The following INSYN1 variants were observed in gnomAD, a reference collection of about 807,000 sequenced individuals.
INSYN1 encodes inhibitory synaptic factor 1.
Under a neutral mutation model 17.1 loss-of-function variants are expected in INSYN1, and 7 were observed. The ratio of observed to expected loss-of-function variants is 0.41; its 90% CI spans 0.23 to 0.77. The LOEUF is 0.77. Ranked by LOEUF, INSYN1 falls within the 30% of genes least tolerant of loss-of-function variation. The probability of loss-of-function intolerance (pLI) is 0.32; values close to 1 mark genes in which losing one functional copy is unlikely to be tolerated. For synonymous variants in INSYN1, 174 were observed against 166.3 expected (o/e 1.05, Z -0.36); for missense variants, 339 against 400.6 (o/e 0.85, Z 1.31).
In INSYN1 at chr15:73,751,354, G is replaced by A. The variant is rs946362404; in HGVS notation, c.-224C>T. On this transcript the variant is annotated 5_prime_UTR_variant, in exon 2 of 3. Coordinates refer to ENST00000569673, the MANE Select transcript of INSYN1 (RefSeq NM_001039614.3). The stretch of plus-strand genomic sequence containing the variant: ...ACCCAGAGGGAGACAGAGTCTAGCA[G>A]AGGGGGTCAAGGTGAGGACACAGGA... 8.8e-6 allele frequency: 5 copies of A among 569,624 alleles called. No individual in the cohort carries two copies. Among genetic ancestry groups the A allele is most frequent in the Non-Finnish European group, 1.6e-5 (5 of 319,012 alleles). 35.3% of individuals were successfully genotyped at this position (569,624 alleles called of 1,614,324 possible). A position where few individuals can be genotyped will look rare whatever the true frequency, so the allele number is the denominator to read the frequency against.
Position 73,740,085 on chromosome 15 carries a change from G to C in INSYN1, c.714C>G (p.Tyr238Ter). ...TGGTCAGTGGAGAGCGCCGTGACTT[G>C]TAGGGGGCTGGGGAGGGCTTGTGGG... is the stretch of plus-strand genomic sequence containing the variant. ...AGPHKPSPAPYKSRRSPLTSR... is the reference protein window; with the variant it reads ...AGPHKPSPAP Residue 238 changes from tyrosine to a stop codon, truncating the protein, a stop_gained, in exon 3 of 3, where the codon TAC becomes TAG. Coordinates refer to ENST00000569673, the MANE Select transcript of INSYN1 (RefSeq NM_001039614.3). LOFTEE classifies it high-confidence loss of function. 1 of 1,613,720 alleles carries C rather than the reference G, an allele frequency of 6.2e-7. No homozygotes were observed. The highest frequency in any genetic ancestry group is 8.5e-7 in the Non-Finnish European group (1 of 1,179,792).
At position 73,746,367 on chromosome 15, in the gene INSYN1, G is replaced by A. The variant is rs183499821; in HGVS notation, c.156+4608C>T. Among the ~76,000 whole-genome samples, 22 of 152,184 alleles carry A rather than the reference G, an allele frequency of 1.4e-4. 2 individuals are homozygous for A. In the East Asian group the frequency reaches 3.1e-3, roughly 21 times the overall value. On this transcript the variant is annotated intron_variant, in intron 2 of 2. Transcript: ENST00000569673. Reference sequence around the variant, plus strand: ...CAAAAATAATAAGAAAAAAATCCACGCAATTCTTGCTGAGCTGCAGGTGAT... The same window carrying A: ...CAAAAATAATAAGAAAAAAATCCACACAATTCTTGCTGAGCTGCAGGTGAT...
In INSYN1 at chr15:73,736,076, C is replaced by T. The variant is rs1362847629; in HGVS notation, c.*3841G>A. The T allele has an allele frequency of 6.6e-6, 1 of 152,392 alleles. No individual in the cohort carries two copies. The highest frequency in any genetic ancestry group is 2.4e-5 in the African/African-American group (1 of 41,432). 9.4% of individuals were successfully genotyped at this position (152,392 alleles called of 1,614,324 possible). ...AAGCAGAGAGATCTGATGGAACATC[C>T]TGGGTAAAGAAACTCAAAAACTGGC... On this transcript the variant is annotated 3_prime_UTR_variant, in exon 3 of 3. Coordinates refer to ENST00000569673, the MANE Select transcript of INSYN1 (RefSeq NM_001039614.3).
chr15:73,744,966 C>T (rs1218059758), intron 2 of INSYN1, among the ~76,000 whole-genome samples: 2 of 144,878 alleles, frequency 1.4e-5, no homozygotes, highest in African/African-American at 4.9e-5. Context: ...TCTGAAGAGA[C>T]CAAGAGGGAG....
chr15:73,746,030 C>T (rs1331758893), intron 2 of INSYN1, among the ~76,000 whole-genome samples: 1 of 149,730 alleles, frequency 6.7e-6, no homozygotes, highest in African/African-American at 2.5e-5. Context: ...ACCCCCGGAC[C>T]CCCCACCACA....
At position 73,739,337 on chromosome 15, in the gene INSYN1, A is replaced by G. The variant is rs1486787528; in HGVS notation, c.*580T>C. On this transcript the variant is annotated 3_prime_UTR_variant, in exon 3 of 3. Transcript: ENST00000569673. ...CATGGGAGCAGCTTGCCATTCCCCT[A>G]TGTCCCAGGCAACCCTAAGATGGAA... 6.6e-6 allele frequency: 1 copy of G among 152,270 alleles called. No homozygotes were observed. Among genetic ancestry groups the G allele is most frequent in the East Asian group, 1.9e-4 (1 of 5,186 alleles). The allele number at this position is 152,270 out of a possible 1,614,324, so 9.4% of individuals were successfully genotyped here.
chr15:73,750,541 G>C (rs569070767), intron 2 of INSYN1, among the ~76,000 whole-genome samples: 2 of 152,332 alleles, frequency 1.3e-5, no homozygotes, highest in Admixed American at 1.3e-4. Context: ...GCCTCAAGCA[G>C]TGGAAACCAC....
Position 73,739,364 on chromosome 15 carries a change from G to C in INSYN1, c.*553C>G, listed in dbSNP as rs1227038247. On this transcript the variant is annotated 3_prime_UTR_variant, in exon 3 of 3. Transcript: ENST00000569673. ...GTCCCAGGCAACCCTAAGATGGAAGGGGGTGAGGCAGGACTGTGTATAGCC... is the reference window on the plus strand; with the variant it reads ...GTCCCAGGCAACCCTAAGATGGAAGCGGGTGAGGCAGGACTGTGTATAGCC... The C allele has an allele frequency of 1.3e-5, 2 of 152,342 alleles. No homozygotes were observed. Among genetic ancestry groups the C allele is most frequent in the Non-Finnish European group, 2.9e-5 (2 of 68,106 alleles). The allele number at this position is 152,342 out of a possible 1,614,324, so 9.4% of individuals were successfully genotyped here. A position where few individuals can be genotyped will look rare whatever the true frequency, so the allele number is the denominator to read the frequency against.
Position 73,751,308 on chromosome 15 carries a change from C to T in INSYN1, c.-178G>A. 1.5e-6 allele frequency: 1 copy of T among 651,350 alleles called. No homozygotes were observed. Among genetic ancestry groups the T allele is most frequent in the Non-Finnish European group, 2.6e-6 (1 of 380,952 alleles). The allele number at this position is 651,350 out of a possible 1,614,324, so 40.3% of individuals were successfully genotyped here. A position where few individuals can be genotyped will look rare whatever the true frequency, so the allele number is the denominator to read the frequency against. On this transcript the variant is annotated 5_prime_UTR_variant, in exon 2 of 3. Transcript: ENST00000569673. ...GCCCCCTGCCACCCAGCCTCCTCTG[C>T]CTCTGGGTGGAGAGTGGGACACCCA...
intron 2 of INSYN1, among the ~76,000 whole-genome samples, chr15:73,746,365 A>G (rs1452392): frequency 0.96 from 145,749 of 152,152 alleles, 69,966 homozygotes; most frequent in East Asian, 1. Flanking sequence ...AAAAAAATCC[A>G]CGCAATTCTT....
chr15:73,738,787 G>C lies in INSYN1; in HGVS notation c.*1130C>G, dbSNP rs1901598071. 6.6e-6 allele frequency: 1 copy of C among 152,218 alleles called. No homozygotes were observed. Among genetic ancestry groups the C allele is most frequent in the Non-Finnish European group, 1.5e-5 (1 of 68,036 alleles). The allele number at this position is 152,218 out of a possible 1,614,324, so 9.4% of individuals were successfully genotyped here. Reference sequence around the variant, plus strand: ...TATTGTGGTGATTAAATGAGATGCTGCTATAAAAAGTATTCGGCATAGAAG... The same window carrying C: ...TATTGTGGTGATTAAATGAGATGCTCCTATAAAAAGTATTCGGCATAGAAG... On this transcript the variant is annotated 3_prime_UTR_variant, in exon 3 of 3. Coordinates refer to ENST00000569673, the MANE Select transcript of INSYN1 (RefSeq NM_001039614.3).
At chr15:73,740,665 G>A (rs576174499) in intron 2 of INSYN1, 23 bp from the exon 3 acceptor site, 2 of 1,581,368 alleles carry the variant, frequency 1.3e-6, no homozygotes, top group South Asian at 2.3e-5. Context: ...GGGGAGAGGA[G>A]ATGAGAGGGG....
intron 2 of INSYN1, among the ~76,000 whole-genome samples, chr15:73,742,697 C>T (rs1362176477): frequency 6.6e-6 from 1 of 152,172 alleles, no homozygotes; most frequent in Non-Finnish European, 1.5e-5. Flanking sequence ...TCTTCTTGTG[C>T]TTCTCCCAGG....
chr15:73,746,818 G>A (rs1292002515), intron 2 of INSYN1, among the ~76,000 whole-genome samples: 4 of 152,164 alleles, frequency 2.6e-5, no homozygotes, highest in African/African-American at 9.7e-5. Context: ...AGGAGGCCAA[G>A]TACCTGCTCA....
Position 73,740,128 on chromosome 15 carries a change from G to T in INSYN1, c.671C>A (p.Thr224Lys). Residue 224 changes from threonine to lysine, a missense_variant, in exon 3 of 3, where the codon ACA (threonine) becomes AAA (lysine). By Grantham distance (78) the Thr-to-Lys change is moderately conservative (BLOSUM62 -1). Coordinates refer to ENST00000569673, the MANE Select transcript of INSYN1 (RefSeq NM_001039614.3). ...EVGLPPEPAHTEAHAGPHKPS... is the reference protein window; with the variant it reads ...EVGLPPEPAHKEAHAGPHKPS... Reference sequence around the variant, plus strand: ...CTTGTGGGGGCCTGCATGGGCCTCTGTATGGGCAGGCTCAGGGGGCAAGCC... The same window carrying T: ...CTTGTGGGGGCCTGCATGGGCCTCTTTATGGGCAGGCTCAGGGGGCAAGCC... The T allele has an allele frequency of 6.2e-7, 1 of 1,613,878 alleles. No individual in the cohort carries two copies.
chr15:73,737,318 T>A lies in INSYN1; in HGVS notation c.*2599A>T, dbSNP rs923651478. On this transcript the variant is annotated 3_prime_UTR_variant, in exon 3 of 3. Coordinates refer to ENST00000569673, the MANE Select transcript of INSYN1 (RefSeq NM_001039614.3). ...GAAATGCAAGCCTCAGAGGGAGAACTGTTATGTCCATTCTTAGCACCAGGT... is the reference window on the plus strand; with the variant it reads ...GAAATGCAAGCCTCAGAGGGAGAACAGTTATGTCCATTCTTAGCACCAGGT... 3 of 152,254 alleles carry A rather than the reference T, an allele frequency of 2.0e-5. No homozygotes were observed. The highest frequency in any genetic ancestry group is 2.9e-5 in the Non-Finnish European group (2 of 68,050). The allele number at this position is 152,254 out of a possible 1,614,324, so 9.4% of individuals were successfully genotyped here. A position where few individuals can be genotyped will look rare whatever the true frequency, so the allele number is the denominator to read the frequency against.
chr15:73,748,741 G>A (rs1014284703), intron 2 of INSYN1, among the ~76,000 whole-genome samples: 15 of 152,272 alleles, frequency 9.9e-5, no homozygotes, highest in African/African-American at 3.1e-4. Flanking sequence ...ACAGGAAGAC[G>A]GTGATGGCAT....
intron 2 of INSYN1, among the ~76,000 whole-genome samples, chr15:73,743,128 A>C (rs117969196): frequency 0.012 from 1,820 of 152,346 alleles, 15 homozygotes; most frequent in Non-Finnish European, 0.018. Flanking sequence ...GCAGAATGCC[A>C]GTAGGAATTG....
At chr15:73,744,512 G>C (rs182288431) in intron 2 of INSYN1, among the ~76,000 whole-genome samples, 1 of 152,140 alleles carries the variant, frequency 6.6e-6, no homozygotes, top group Admixed American at 6.5e-5. Context: ...GCTTCTCTGT[G>C]GGGGGCCTGG....
Sources: allele counts gnomAD v4.1 joint callset (sites outside exome capture counted in the v4.1 genomes callset), GRCh38; gene constraint gnomAD v4.1.1; transcripts MANE v1.5; gene names NCBI Gene and HGNC (gene_info 2026-07-23, HGNC 2026-07-21).